IST1: variants seen among roughly 807,000 people sequenced by gnomAD.
IST1 encodes the protein IST1 factor associated with ESCRT-III.
In IST1, 23 loss-of-function variants were observed where a neutral mutation model predicts 37.0. The observed-to-expected ratio is 0.62, with a 90% confidence interval of 0.45 to 0.88. IST1 has a LOEUF of 0.88. IST1 is among the 40% of genes least tolerant of loss of function. The pLI is 0.00. For synonymous variants in IST1, 180 were observed against 161.7 expected, an observed-to-expected ratio of 1.11 and a Z score of -0.86; for missense variants, 488 against 445.4, an observed-to-expected ratio of 1.10 and a Z score of -0.86.
At chr16:71,910,870 A>C (rs1464674970) in intron 1 of IST1, among the ~76,000 whole-genome samples, 2 of 152,182 alleles carry the variant, frequency 1.3e-5, no homozygotes, top group Admixed American at 6.5e-5. Flanking sequence ...TCCAGAGTTA[A>C]CACCATTAAA....
At chr16:71,897,347 T>C (rs1294744280) in intron 1 of IST1, among the ~76,000 whole-genome samples, 2 of 152,170 alleles carry the variant, frequency 1.3e-5, no homozygotes, top group African/African-American at 2.4e-5. Flanking sequence ...GTATATCTTA[T>C]TTTAAAATAG....
intron 1 of IST1, among the ~76,000 whole-genome samples, chr16:71,905,808 T>C (rs771361576): frequency 2.0e-5 from 3 of 152,250 alleles, no homozygotes; most frequent in Non-Finnish European, 4.4e-5. Context: ...GGTTATCTTA[T>C]GTATTACATT....
chr16:71,915,462 T>C (rs2037446919), intron 1 of IST1, 164 bp from the exon 2 acceptor site: 1 of 541,204 alleles, frequency 1.8e-6, no homozygotes, highest in Non-Finnish European at 3.2e-6. Context: ...TCAGTTTTTT[T>C]TACAACAGCC....
In IST1 at chr16:71,930,397, T is replaced by G; in HGVS notation, c.*2584T>G. Reference sequence around the variant, plus strand: ...TTAAGGAGGTTAAGATAATTGTGACTGCAGGGCTTTCACAAGAAAACAGGT... The same window carrying G: ...TTAAGGAGGTTAAGATAATTGTGACGGCAGGGCTTTCACAAGAAAACAGGT... On this transcript the variant is annotated 3_prime_UTR_variant, in exon 10 of 10. Transcript: ENST00000378799. 2.6e-6 allele frequency: 1 copy of G among 392,140 alleles called. No homozygotes were observed. The highest frequency in any genetic ancestry group is 4.4e-6 in the Non-Finnish European group (1 of 225,778). 24.3% of individuals were successfully genotyped at this position (392,140 alleles called of 1,614,324 possible).
In IST1 at chr16:71,929,473, C is replaced by G. The variant is rs949488282; in HGVS notation, c.*1660C>G. ...AACAAAGTATATTATAATTTTAAAG[C>G]TATGCCATGCAAAGATAAGTAGTAA... is the stretch of plus-strand genomic sequence containing the variant. On this transcript the variant is annotated 3_prime_UTR_variant, in exon 10 of 10. Coordinates refer to ENST00000378799, the MANE Select transcript of IST1 (RefSeq NM_001270975.2). 3 of 1,399,776 alleles carry G rather than the reference C, an allele frequency of 2.1e-6. No individual in the cohort carries two copies. The African/African-American group carries it at 4.4e-5, about 21-fold the overall frequency. 86.7% of individuals were successfully genotyped at this position (1,399,776 alleles called of 1,614,324 possible).
At chr16:71,916,749 T>G in intron 3 of IST1, 107 bp downstream of exon 3, 1 of 923,140 alleles carries the variant, frequency 1.1e-6, no homozygotes, top group Non-Finnish European at 1.6e-6. Flanking sequence ...AAGGATCTGC[T>G]GCCTAACAGT....
intron 1 of IST1, among the ~76,000 whole-genome samples, chr16:71,899,737 C>G (rs957013307): frequency 6.7e-6 from 1 of 150,158 alleles, no homozygotes. Context: ...ATTAGCTGGG[C>G]GAACAGCCGG....
intron 1 of IST1, among the ~76,000 whole-genome samples, chr16:71,906,318 G>GT (rs1157960559): frequency 6.7e-6 from 1 of 149,550 alleles, no homozygotes; most frequent in Non-Finnish European, 1.5e-5. Context: ...GTTTTGTTTT[G>GT]TTTTTTGAGA....
chr16:71,906,432 T>C (rs1293080208), intron 1 of IST1, among the ~76,000 whole-genome samples: 1 of 151,768 alleles, frequency 6.6e-6, no homozygotes, highest in Non-Finnish European at 1.5e-5. Flanking sequence ...CTCAGCTTCC[T>C]GAGTAGCTAG....
intron 1 of IST1, among the ~76,000 whole-genome samples, chr16:71,913,707 C>T (rs2037407622): frequency 6.6e-6 from 1 of 150,764 alleles, no homozygotes; most frequent in Non-Finnish European, 1.5e-5. Context: ...CTCCATGTTG[C>T]CTAGGCTCGT....
chr16:71,894,866 A>G, upstream of IST1: 1 of 1,527,612 alleles, frequency 6.5e-7, no homozygotes, highest in Non-Finnish European at 8.8e-7. Flanking sequence ...AAGGTAACCA[A>G]GGAAAAAGTT....
chr16:71,898,110 C>T (rs1249477422), intron 1 of IST1, among the ~76,000 whole-genome samples: 1 of 152,054 alleles, frequency 6.6e-6, no homozygotes, highest in Non-Finnish European at 1.5e-5. Context: ...CACCGTGGCT[C>T]ACGCCTGTAA....
At chr16:71,917,554 C>A (rs1169036863) in intron 4 of IST1, among the ~76,000 whole-genome samples, 1 of 152,114 alleles carries the variant, frequency 6.6e-6, no homozygotes, top group Non-Finnish European at 1.5e-5. Context: ...AATATGGCAC[C>A]AGCCATACTC....
At position 71,930,439 on chromosome 16, in the gene IST1, G is replaced by A; in HGVS notation, c.*2626G>A. On this transcript the variant is annotated 3_prime_UTR_variant, in exon 10 of 10. Transcript: ENST00000378799. The stretch of plus-strand genomic sequence containing the variant: ...AAAACAGGTGAGTTGCAGTGGAATT[G>A]GAAATGATTCAAATGTCACATGAGT... 1 of 310,614 alleles carries A rather than the reference G, an allele frequency of 3.2e-6. No homozygotes were observed. Among genetic ancestry groups the A allele is most frequent in the Non-Finnish European group, 5.9e-6 (1 of 170,424 alleles). 19.2% of individuals were successfully genotyped at this position (310,614 alleles called of 1,614,324 possible). A position where few individuals can be genotyped will look rare whatever the true frequency, so the allele number is the denominator to read the frequency against.
rs749613747 is a variant in IST1, at chr16:71,922,623, GCCCA to G, written c.703_706del (p.Pro235CysfsTer50). ...GAACGGTGCCAATGCCCATGCCCAT[GCCCA>G]TGCCTATGCCATCTGCAAATACGCC... On this transcript the variant is annotated frameshift_variant, in exon 7 of 10. Transcript: ENST00000378799. LOFTEE classifies it high-confidence loss of function. 12 of 1,612,046 alleles carry G rather than the reference GCCCA, an allele frequency of 7.4e-6. 2 individuals are homozygous for G. In the South Asian group the frequency reaches 1.3e-4, roughly 18 times the overall value.
Position 71,920,797 on chromosome 16 carries a change from A to G in IST1, c.416A>G (p.Asn139Ser), listed in dbSNP as rs753627836. 1.2e-6 allele frequency: 2 copies of G among 1,613,394 alleles called. No homozygotes were observed. Among genetic ancestry groups the G allele is most frequent in the Non-Finnish European group, 1.7e-6 (2 of 1,179,268 alleles). Reference protein sequence around the residue: ...SKEYGKLCRTNQIGTVNDRLM... With the variant: ...SKEYGKLCRTSQIGTVNDRLM... ...GAATATGGCAAGCTATGTAGGACCAACCAGATTGGAACTGTGAATGACAGG... is the reference window on the plus strand; with the variant it reads ...GAATATGGCAAGCTATGTAGGACCAGCCAGATTGGAACTGTGAATGACAGG... Residue 139 changes from asparagine (N) to serine (S), a missense_variant, in exon 5 of 10, where the codon AAC (asparagine) becomes AGC (serine). Coordinates refer to ENST00000378799, the MANE Select transcript of IST1 (RefSeq NM_001270975.2).
At chr16:71,902,259 T>A (rs1446102838) in intron 1 of IST1, among the ~76,000 whole-genome samples, 1 of 152,186 alleles carries the variant, frequency 6.6e-6, no homozygotes, top group Non-Finnish European at 1.5e-5. Context: ...GGAATGGTTC[T>A]TAATTTTAGA....
At chr16:71,894,613 C>T (rs1206929963), upstream of IST1, 18 of 496,218 alleles carry the variant, frequency 3.6e-5, no homozygotes, top group Non-Finnish European at 2.9e-5. Context: ...GCAGCAGCGA[C>T]CTTCTGGGCT....
intron 1 of IST1, among the ~76,000 whole-genome samples, chr16:71,907,257 A>G (rs951998946): frequency 1.4e-5 from 2 of 144,440 alleles, no homozygotes; most frequent in Non-Finnish European, 3.0e-5. Flanking sequence ...GAATAAAAAT[A>G]CTCTTTCTCC....
Sources: allele counts gnomAD v4.1 joint callset (sites outside exome capture counted in the v4.1 genomes callset), GRCh38; gene constraint gnomAD v4.1.1; transcripts MANE v1.5; gene names NCBI Gene and HGNC (gene_info 2026-07-23, HGNC 2026-07-21).